The following CPN2 variants were observed in gnomAD, a reference collection of about 807,000 sequenced individuals.
CPN2 encodes the protein carboxypeptidase N subunit 2.
For synonymous variants in CPN2, 336 were observed against 318.4 expected (o/e 1.06, Z -0.59); for missense variants, 620 against 671.4 (o/e 0.92, Z 0.85).
rs4974527 is a variant in CPN2, at chr3:194,351,222, C to G, written c.-4+20G>C. ...CGTCCCTGCAGACCCTGGAGCCCTT[C>G]AGCGACCCCGGGAGCCTACCGTGAG... On this transcript the variant is annotated intron_variant, in intron 1 of 1. Transcript: ENST00000323830. 69,440 of 152,198 alleles carry G rather than the reference C, an allele frequency of 0.46. 18,704 individuals carry two copies. The highest frequency in any genetic ancestry group is 0.74 in the African/African-American group (30,797 of 41,498). The allele number at this position is 152,198 out of a possible 1,614,324, so 9.4% of individuals were successfully genotyped here. A position where few individuals can be genotyped will look rare whatever the true frequency, so the allele number is the denominator to read the frequency against.
At position 194,342,480 on chromosome 3, in the gene CPN2, A is replaced by T; in HGVS notation, c.223T>A (p.Leu75Met). 6.2e-7 allele frequency: 1 copy of T among 1,614,246 alleles called. No individual in the cohort carries two copies. The highest frequency in any genetic ancestry group is 8.5e-7 in the Non-Finnish European group (1 of 1,180,042). ...ETRAFGSNPN[L>M]TKVVFLNTQL... The stretch of plus-strand genomic sequence containing the variant: ...GTGTTGAGGAAGACCACCTTGGTCA[A>T]GTTGGGGTTACTGCCAAAAGCTCTG... Residue 75 changes from leucine to methionine, a missense_variant, in exon 2 of 2, where the codon TTG becomes ATG. Coordinates refer to ENST00000323830, the MANE Select transcript of CPN2 (RefSeq NM_001080513.4).
In CPN2 at chr3:194,340,841, A is replaced by C; in HGVS notation, c.*224T>G. 3.2e-6 allele frequency: 2 copies of C among 619,526 alleles called. No individual in the cohort carries two copies. The highest frequency in any genetic ancestry group is 2.9e-5 in the South Asian group (1 of 34,000). The allele number at this position is 619,526 out of a possible 1,614,324, so 38.4% of individuals were successfully genotyped here. A position where few individuals can be genotyped will look rare whatever the true frequency, so the allele number is the denominator to read the frequency against. Reference sequence around the variant, plus strand: ...TGAGGGTGCTTTGCAAGGCATAAGGATGGCCTTGTTAGGCCGCACACTCCA... The same window carrying C: ...TGAGGGTGCTTTGCAAGGCATAAGGCTGGCCTTGTTAGGCCGCACACTCCA... On this transcript the variant is annotated 3_prime_UTR_variant, in exon 2 of 2. Transcript: ENST00000323830.
chr3:194,347,506 T>C (rs68170003), intron 1 of CPN2, among the ~76,000 whole-genome samples: 104,910 of 152,028 alleles, frequency 0.69, 36,465 homozygotes, highest in East Asian at 0.81. Context: ...TTCTGAGACT[T>C]ATCCAGAGTC....
rs917519224 is a variant in CPN2, at chr3:194,340,819, G to A, written c.*246C>T. On this transcript the variant is annotated 3_prime_UTR_variant, in exon 2 of 2. Coordinates refer to ENST00000323830, the MANE Select transcript of CPN2 (RefSeq NM_001080513.4). ...CTCCAGGCTGTGGTGCAGCTTTTGA[G>A]GGTGCTTTGCAAGGCATAAGGATGG... The A allele has an allele frequency of 2.5e-5, 13 of 512,858 alleles. No homozygotes were observed. Among genetic ancestry groups the A allele is most frequent in the African/African-American group, 2.3e-4 (12 of 52,968 alleles). The allele number at this position is 512,858 out of a possible 1,614,324, so 31.8% of individuals were successfully genotyped here.
intron 1 of CPN2, among the ~76,000 whole-genome samples, chr3:194,349,320 T>C (rs1417125069): frequency 6.6e-6 from 1 of 152,102 alleles, no homozygotes; most frequent in Non-Finnish European, 1.5e-5. Context: ...GAGATCGCAC[T>C]ATTGCACTCC....
chr3:194,340,162 T>A lies in CPN2; in HGVS notation c.*903A>T, dbSNP rs1484333514. On this transcript the variant is annotated 3_prime_UTR_variant, in exon 2 of 2. Coordinates refer to ENST00000323830, the MANE Select transcript of CPN2 (RefSeq NM_001080513.4). ...GAGAGAGAGAGCAGGTTGTAAACTG[T>A]TTCTTATCGACTTAAAAGGGGTGCC... is the stretch of plus-strand genomic sequence containing the variant. 2 of 152,158 alleles carry A rather than the reference T, an allele frequency of 1.3e-5. No individual in the cohort carries two copies. Among genetic ancestry groups the A allele is most frequent in the African/African-American group, 2.4e-5 (1 of 41,444 alleles). The allele number at this position is 152,158 out of a possible 1,614,324, so 9.4% of individuals were successfully genotyped here.
intron 1 of CPN2, among the ~76,000 whole-genome samples, chr3:194,343,527 C>T (rs1712940613): frequency 1.3e-5 from 2 of 152,234 alleles, no homozygotes; most frequent in African/African-American, 4.8e-5. Flanking sequence ...ATAGCAAGAC[C>T]AGCTGGGGCA....
Position 194,341,870 on chromosome 3 carries a change from C to T in CPN2, c.833G>A (p.Arg278Gln), listed in dbSNP as rs749161902. The T allele has an allele frequency of 8.1e-6, 13 of 1,614,050 alleles. No homozygotes were observed. Among genetic ancestry groups the T allele is most frequent in the East Asian group, 2.2e-5 (1 of 44,886 alleles). ...TFLSLQWNMLRVLPAGLFAHT... is the reference protein window; with the variant it reads ...TFLSLQWNMLQVLPAGLFAHT... ...GGCAAAGAGGCCGGCAGGCAGGACC[C>T]GAAGCATGTTCCACTGCAAGCTCAG... The change falls in exon 2 of 2, where the codon CGG becomes CAG. Residue 278 changes from arginine (R) to glutamine (Q), a missense_variant. Physicochemically the swap from Arg to Gln is conservative, Grantham distance 43 (BLOSUM62 1). Coordinates refer to ENST00000323830, the MANE Select transcript of CPN2 (RefSeq NM_001080513.4).
intron 1 of CPN2, among the ~76,000 whole-genome samples, chr3:194,346,472 C>T (rs1713050025): frequency 6.6e-6 from 1 of 152,232 alleles, no homozygotes; most frequent in Non-Finnish European, 1.5e-5. Context: ...ACAGTGAGGG[C>T]GCAGAACACT....
chr3:194,348,444 C>T (rs1228062271), intron 1 of CPN2, among the ~76,000 whole-genome samples: 1 of 152,098 alleles, frequency 6.6e-6, no homozygotes, highest in Non-Finnish European at 1.5e-5. Context: ...TACCTCAGTC[C>T]CGGCATGGTT....
At chr3:194,345,231 C>T (rs1050937370) in intron 1 of CPN2, among the ~76,000 whole-genome samples, 1 of 136,576 alleles carries the variant, frequency 7.3e-6, no homozygotes, top group Non-Finnish European at 1.6e-5. Context: ...GGCAGAGCCA[C>T]CCCCCTGGGA....
At chr3:194,349,445 G>A (rs2108651619) in intron 1 of CPN2, among the ~76,000 whole-genome samples, 1 of 152,268 alleles carries the variant, frequency 6.6e-6, no homozygotes, top group East Asian at 1.9e-4. Context: ...AAAAATATAT[G>A]TTCCACATTT....
Position 194,341,426 on chromosome 3 carries a change from C to A in CPN2, c.1277G>T (p.Gly426Val). ...CACCTGGCCTTTGAGGTAGGCAGGGCCAGCGCAGTAGGTCTGGATGTTCAG... is the reference window on the plus strand; with the variant it reads ...CACCTGGCCTTTGAGGTAGGCAGGGACAGCGCAGTAGGTCTGGATGTTCAG... ...RLLNIQTYCA[G>V]PAYLKGQVVP... Residue 426 changes from glycine to valine, a missense_variant, in exon 2 of 2, where the codon GGC becomes GTC. Physicochemically the swap from Gly to Val is moderately radical, Grantham distance 109 (BLOSUM62 -3). Coordinates refer to ENST00000323830, the MANE Select transcript of CPN2 (RefSeq NM_001080513.4). The A allele has an allele frequency of 6.2e-7, 1 of 1,614,154 alleles. No homozygotes were observed. Among genetic ancestry groups the A allele is most frequent in the Non-Finnish European group, 8.5e-7 (1 of 1,180,042 alleles).
chr3:194,350,332 C>T (rs948289650), intron 1 of CPN2, among the ~76,000 whole-genome samples: 1 of 152,136 alleles, frequency 6.6e-6, no homozygotes, highest in Non-Finnish European at 1.5e-5. Context: ...TCAGTGACTT[C>T]GCATCTCAGG....
chr3:194,342,045 G>A lies in CPN2; in HGVS notation c.658C>T (p.Gln220Ter). 1 of 1,614,182 alleles carries A rather than the reference G, an allele frequency of 6.2e-7. No homozygotes were observed. Among genetic ancestry groups the A allele is most frequent in the Non-Finnish European group, 8.5e-7 (1 of 1,180,024 alleles). The change falls in exon 2 of 2, where the codon CAG becomes TAG. Residue 220 changes from glutamine to a stop codon, truncating the protein, a stop_gained. Transcript: ENST00000323830. LOFTEE classifies it low-confidence loss of function (END_TRUNC). ...QGVFGKLGSL[Q>*]ELFLDSNNIS... ...TTGTTGCTGTCCAGGAAGAGCTCCT[G>A]CAGGCTGCCCAGTTTGCCAAACACA...
In CPN2 at chr3:194,341,470, C is replaced by T. The variant is rs199590303; in HGVS notation, c.1233G>A (p.Gln411=). ...TGTTCAGGAGCCGATCGGTGTACTG[C>T]TGCAGCCAGTTGAAGAGGTAGGCCA... ...CHLAYLFNWL[Q]QYTDRLLNIQ... Residue 411 remains glutamine, a synonymous_variant, in exon 2 of 2, where the codon CAG becomes CAA. Transcript: ENST00000323830. 1.9e-6 allele frequency: 3 copies of T among 1,614,200 alleles called. No individual in the cohort carries two copies. The highest frequency in any genetic ancestry group is 1.3e-5 in the African/African-American group (1 of 75,058).
In CPN2 at chr3:194,341,159, A is replaced by G. The variant is rs750403591; in HGVS notation, c.1544T>C (p.Leu515Pro). The G allele has an allele frequency of 5.6e-6, 9 of 1,613,362 alleles. No individual in the cohort carries two copies. Among genetic ancestry groups the G allele is most frequent in the East Asian group, 2.2e-5 (1 of 44,890 alleles). ...CCACTCCTGACTAGCATTGTACTGC[A>G]GTCCCAGGGAGCCCTGCTGAGGAGA... ...QLSPQQGSLG[L>P]QYNASQEWDL... The change falls in exon 2 of 2, where the codon CTG becomes CCG. Residue 515 changes from leucine to proline, a missense_variant. Leu to Pro is a moderately conservative substitution (Grantham distance 98). Transcript: ENST00000323830.
Position 194,341,777 on chromosome 3 carries a change from A to C in CPN2, c.926T>G (p.Phe309Cys), listed in dbSNP as rs781124171. The change falls in exon 2 of 2, where the codon TTT becomes TGT. Residue 309 changes from phenylalanine to cysteine, a missense_variant. Phe to Cys is a radical substitution (Grantham distance 205). Transcript: ENST00000323830. ...GGAACGCAGGTTGGACAGGTGGGCA[A>C]AGGTGCCCTCAGCGACAGTCTCCAG... ...NQLETVAEGTFAHLSNLRSLM... is the reference protein window; with the variant it reads ...NQLETVAEGTCAHLSNLRSLM... 3 of 1,613,988 alleles carry C rather than the reference A, an allele frequency of 1.9e-6. No individual in the cohort carries two copies. In the East Asian group the frequency reaches 6.7e-5, roughly 36 times the overall value.
At chr3:194,351,112 C>T (rs1713251225) in intron 1 of CPN2, 130 bp downstream of exon 1, 1 of 152,274 alleles carries the variant, frequency 6.6e-6, no homozygotes, top group Non-Finnish European at 1.5e-5. Context: ...CCTCCCGGGG[C>T]AGGGGCCCCC....
Sources: allele counts gnomAD v4.1 joint callset (sites outside exome capture counted in the v4.1 genomes callset), GRCh38; gene constraint gnomAD v4.1.1; transcripts MANE v1.5; gene names NCBI Gene and HGNC (gene_info 2026-07-23, HGNC 2026-07-21).